The following CRELD1 variants were observed in gnomAD, a reference collection of about 807,000 sequenced individuals.
CRELD1 encodes CRELD disulfide isomerase 1.
In CRELD1, 42 loss-of-function variants were observed where a neutral mutation model predicts 58.2. That is an observed-to-expected ratio of 0.72 (90% confidence interval 0.56 to 0.93). The LOEUF (loss-of-function observed/expected upper bound fraction) is 0.93. CRELD1 is among the 40% of genes least tolerant of loss of function. The pLI is 0.00. For missense variants in CRELD1, 500 were observed against 540.6 expected (o/e 0.92, Z 0.74); for synonymous variants, 222 against 202.0 (o/e 1.10, Z -0.84).
intron 1 of CRELD1, chr3:9,934,216 G>C (rs1327701397): frequency 5.1e-6 from 3 of 585,512 alleles, no homozygotes; most frequent in Non-Finnish European, 9.2e-6. Context: ...CCCCATGCTA[G>C]CGAGGATAAC....
At position 9,934,632 on chromosome 3, in the gene CRELD1, C is replaced by T; in HGVS notation, c.174+20C>T. The T allele has an allele frequency of 6.2e-7, 1 of 1,611,090 alleles. No homozygotes were observed. The highest frequency in any genetic ancestry group is 2.2e-5 in the East Asian group (1 of 44,788). Reference sequence around the variant, plus strand: ...AACAAGGTGGGTGCACCGGCAGCCTCGTTAGAGGGGAACACAGCGATTTAG... The same window carrying T: ...AACAAGGTGGGTGCACCGGCAGCCTTGTTAGAGGGGAACACAGCGATTTAG... On this transcript the variant is annotated intron_variant, in intron 2 of 10. Coordinates refer to ENST00000452070, the MANE Select transcript of CRELD1 (RefSeq NM_001077415.3).
At chr3:9,934,301 G>A in intron 1 of CRELD1, 119 bp from the exon 2 acceptor site, 1 of 785,070 alleles carries the variant, frequency 1.3e-6, no homozygotes, top group South Asian at 1.4e-5. Flanking sequence ...ACCCAGTTTG[G>A]CCTCTTTTGC....
At chr3:9,939,977 C>T (rs549794622) in intron 5 of CRELD1, among the ~76,000 whole-genome samples, 37 of 151,910 alleles carry the variant, frequency 2.4e-4, no homozygotes, top group African/African-American at 7.0e-4. Flanking sequence ...CCCCTCACCT[C>T]CCTCCCGGAC....
chr3:9,934,774 C>T, intron 2 of CRELD1, 61 bp from the exon 3 acceptor site: 1 of 1,538,472 alleles, frequency 6.5e-7, no homozygotes, highest in Non-Finnish European at 8.9e-7. Context: ...GTCAGTAGAA[C>T]AGTGAAGTGC....
At chr3:9,941,532 T>TGTA (rs917869999) in intron 7 of CRELD1, among the ~76,000 whole-genome samples, 30 of 152,176 alleles carry the variant, frequency 2.0e-4, no homozygotes, top group African/African-American at 6.5e-4. Flanking sequence ...GGCTCACGCC[T>TGTA]GTAATCCCAG....
chr3:9,940,690 G>A (rs2124847336), intron 5 of CRELD1, among the ~76,000 whole-genome samples, 160 bp from the exon 6 acceptor site: 1 of 138,062 alleles, frequency 7.2e-6, no homozygotes, highest in South Asian at 2.6e-4. Flanking sequence ...ATGGGGAGAG[G>A]GAGAGGGAGG....
rs2085125829 is a variant in CRELD1 at position 9,934,868 on chromosome 3, G to A, written c.208G>A (p.Gly70Ser). The A allele has an allele frequency of 6.2e-7, 1 of 1,613,066 alleles. No individual in the cohort carries two copies. Among genetic ancestry groups the A allele is most frequent in the South Asian group, 1.1e-5 (1 of 90,878 alleles). ...GAGAACCATCCGGGACAACTTTGGA[G>A]GTGGAAACACTGCCTGGGAGGAAGA... Reference protein sequence around the residue: ...LERTIRDNFGGGNTAWEEENL... With the variant: ...LERTIRDNFGSGNTAWEEENL... The change falls in exon 3 of 11, where the codon GGT (glycine) becomes AGT (serine). Residue 70 changes from glycine (G) to serine (S), a missense_variant. By Grantham distance (56) the Gly-to-Ser change is moderately conservative (BLOSUM62 0). Coordinates refer to ENST00000452070, the MANE Select transcript of CRELD1 (RefSeq NM_001077415.3).
chr3:9,939,870 G>A (rs1293597058), intron 5 of CRELD1, among the ~76,000 whole-genome samples: 1 of 151,952 alleles, frequency 6.6e-6, no homozygotes, highest in African/African-American at 2.4e-5. Flanking sequence ...ACGGGGTGGT[G>A]GCCGGGCAGA....
chr3:9,944,737 A>G lies in CRELD1; in HGVS notation c.*158A>G. On this transcript the variant is annotated 3_prime_UTR_variant, in exon 11 of 11. Coordinates refer to ENST00000452070, the MANE Select transcript of CRELD1 (RefSeq NM_001077415.3). ...GCAGCCCAGGTACCCAGGCCCGGGC[A>G]GACAAGGCCCCTGGGGTAAAAAGTA... 1 of 710,492 alleles carries G rather than the reference A, an allele frequency of 1.4e-6. No individual in the cohort carries two copies. Among genetic ancestry groups the G allele is most frequent in the Non-Finnish European group, 2.4e-6 (1 of 408,516 alleles). 44.0% of individuals were successfully genotyped at this position (710,492 alleles called of 1,614,324 possible). A position where few individuals can be genotyped will look rare whatever the true frequency, so the allele number is the denominator to read the frequency against.
At position 9,944,715 on chromosome 3, in the gene CRELD1, GC is replaced by G; in HGVS notation, c.*139del. On this transcript the variant is annotated 3_prime_UTR_variant, in exon 11 of 11. Coordinates refer to ENST00000452070, the MANE Select transcript of CRELD1 (RefSeq NM_001077415.3). ...GCACCCCTACCTGCCTTACAGAGCA[GC>G]CCAGGTACCCAGGCCCGGGCAGACA... 1 of 862,182 alleles carries G rather than the reference GC, an allele frequency of 1.2e-6. No homozygotes were observed. The highest frequency in any genetic ancestry group is 1.9e-6 in the Non-Finnish European group (1 of 537,214). The allele number at this position is 862,182 out of a possible 1,614,324, so 53.4% of individuals were successfully genotyped here. A position where few individuals can be genotyped will look rare whatever the true frequency, so the allele number is the denominator to read the frequency against.
At chr3:9,942,961 C>G (rs2085408936) in intron 8 of CRELD1, 65 bp downstream of exon 8, 1 of 1,535,540 alleles carries the variant, frequency 6.5e-7, no homozygotes, top group Admixed American at 1.7e-5. Flanking sequence ...CCACACCTGT[C>G]CCTCCAAACC....
At chr3:9,939,540 C>A (rs369437953) in intron 5 of CRELD1, among the ~76,000 whole-genome samples, 4 of 151,566 alleles carry the variant, frequency 2.6e-5, no homozygotes, top group Admixed American at 6.6e-5. Context: ...GACTCTCAAC[C>A]AGCATGCTGC....
chr3:9,944,372 A>C lies in CRELD1; in HGVS notation c.1056A>C (p.Ala352=). 2 of 1,613,930 alleles carry C rather than the reference A, an allele frequency of 1.2e-6. No individual in the cohort carries two copies. Among genetic ancestry groups the C allele is most frequent in the Non-Finnish European group, 1.7e-6 (2 of 1,179,896 alleles). Residue 352 remains alanine (A), a synonymous_variant, in exon 11 of 11, where the codon GCA becomes GCC. Transcript: ENST00000452070. ...ICVKEQIPES[A]GFFSEMTEDE... is the part of the protein sequence containing the mutation. ...TCTCTTGCTCCTCTGCAGAGTCAGC[A>C]GGCTTCTTCTCAGAGATGACAGAAG... is the stretch of plus-strand genomic sequence containing the variant.
chr3:9,935,822 G>C (rs2085176529), intron 3 of CRELD1: 1 of 152,058 alleles, frequency 6.6e-6, no homozygotes, highest in Admixed American at 6.6e-5. Flanking sequence ...AACGTATTGG[G>C]CTGAAATGTC....
chr3:9,938,496 T>C (rs1481738811), intron 5 of CRELD1: 1 of 208,068 alleles, frequency 4.8e-6, no homozygotes, highest in Non-Finnish European at 9.8e-6. Context: ...TACCAGCCTC[T>C]TTTAGAGCAG....
chr3:9,934,959 G>C, intron 3 of CRELD1, 42 bp downstream of exon 3: 1 of 1,505,450 alleles, frequency 6.6e-7, no homozygotes, highest in Non-Finnish European at 9.1e-7. Flanking sequence ...TCCCCTCCCC[G>C]CCAAATCTCT....
At chr3:9,940,014 C>T (rs540003974) in intron 5 of CRELD1, among the ~76,000 whole-genome samples, 2 of 152,012 alleles carry the variant, frequency 1.3e-5, no homozygotes, top group African/African-American at 2.4e-5. Flanking sequence ...GGAGACACTT[C>T]TCACTTCCCA....
At chr3:9,941,081 C>A in intron 6 of CRELD1, 30 bp from the exon 7 acceptor site, 4 of 1,613,930 alleles carry the variant, frequency 2.5e-6, no homozygotes, top group Non-Finnish European at 3.4e-6. Flanking sequence ...ACCTGCCTGC[C>A]CATCCTCATG....
chr3:9,938,250 C>G, intron 5 of CRELD1, 144 bp downstream of exon 5: 1 of 702,058 alleles, frequency 1.4e-6, no homozygotes, highest in Non-Finnish European at 2.5e-6. Context: ...CCTGACAGGG[C>G]TGGGGAGATG....
Sources: allele counts gnomAD v4.1 joint callset (sites outside exome capture counted in the v4.1 genomes callset), GRCh38; gene constraint gnomAD v4.1.1; transcripts MANE v1.5; gene names NCBI Gene and HGNC (gene_info 2026-07-23, HGNC 2026-07-21).